MYH9: variants seen among roughly 807,000 people sequenced by gnomAD.
The protein encoded by MYH9 is myosin-9.
A neutral mutation model predicts 241.9 loss-of-function variants in MYH9; 29 were observed. The ratio of observed to expected loss-of-function variants is 0.12; its 90% confidence interval spans 0.09 to 0.16. The LOEUF (loss-of-function observed/expected upper bound fraction) is 0.16. Among genes scored for constraint, MYH9 ranks in the 10% least tolerant of loss-of-function variants. MYH9 has a pLI of 1.00. For missense variants in MYH9, 1,803 were observed against 2,595.5 expected (o/e 0.69, Z 6.63); for synonymous variants, 1,047 against 1,062.6 (o/e 0.99, Z 0.29).
intron 20 of MYH9, 105 bp downstream of exon 20, chr22:36,302,463 C>A (rs959127913): frequency 2.0e-6 from 2 of 1,006,968 alleles, no homozygotes; most frequent in African/African-American, 3.2e-5. Context: ...ACCTGGGCGA[C>A]ATGGTGAGAC....
chr22:36,376,919 T>TG (rs2018176801), intron 1 of MYH9, among the ~76,000 whole-genome samples: 1 of 152,092 alleles, frequency 6.6e-6, no homozygotes, highest in African/African-American at 2.4e-5. Context: ...AAAAATTAGC[T>TG]GGGTGTGGTG....
chr22:36,324,020 C>A (rs776565254), intron 5 of MYH9, among the ~76,000 whole-genome samples: 9 of 152,254 alleles, frequency 5.9e-5, no homozygotes, highest in African/African-American at 2.2e-4. Flanking sequence ...CCACCCACTA[C>A]GCCGTTCCTC....
At chr22:36,318,164 T>A in intron 11 of MYH9, 43 bp downstream of exon 11, 1 of 1,550,162 alleles carries the variant, frequency 6.5e-7, no homozygotes, top group Non-Finnish European at 8.9e-7. Context: ...GCAGGGACAT[T>A]CACCCAGGAG....
At chr22:36,312,285 G>A (rs909886743) in intron 13 of MYH9, 63 bp from the exon 14 acceptor site, 2 of 1,572,538 alleles carry the variant, frequency 1.3e-6, no homozygotes, top group African/African-American at 1.4e-5. Context: ...CACCCTTCAA[G>A]AAGCCAAAGC....
At chr22:36,355,450 T>C (rs1161192572) in intron 1 of MYH9, among the ~76,000 whole-genome samples, 1 of 151,958 alleles carries the variant, frequency 6.6e-6, no homozygotes, top group African/African-American at 2.4e-5. Flanking sequence ...GTCTGGAAAA[T>C]GAACAGCTAG....
chr22:36,353,744 C>T (rs1341211538), intron 1 of MYH9, among the ~76,000 whole-genome samples: 1 of 143,252 alleles, frequency 7.0e-6, no homozygotes, highest in Non-Finnish European at 1.5e-5. Context: ...CACCGCCTCT[C>T]CCCGCCTTGC....
chr22:36,359,475 G>A (rs1464041070), intron 1 of MYH9, among the ~76,000 whole-genome samples: 2 of 152,202 alleles, frequency 1.3e-5, no homozygotes, highest in Non-Finnish European at 2.9e-5. Context: ...CACCTAATTT[G>A]TTACAAACAC....
At chr22:36,326,114 T>C (rs897627812) in intron 5 of MYH9, among the ~76,000 whole-genome samples, 1 of 152,034 alleles carries the variant, frequency 6.6e-6, no homozygotes, top group African/African-American at 2.4e-5. Context: ...GCCCTTTCTG[T>C]CTTCGCTGGG....
At chr22:36,375,333 C>G (rs1044220565) in intron 1 of MYH9, among the ~76,000 whole-genome samples, 4 of 152,226 alleles carry the variant, frequency 2.6e-5, no homozygotes, top group Non-Finnish European at 5.9e-5. Flanking sequence ...CCTGCTCTCC[C>G]TTAGGACCAA....
chr22:36,341,593 T>C (rs2017591479), intron 2 of MYH9, 67 bp from the exon 3 acceptor site: 1 of 1,574,628 alleles, frequency 6.4e-7, no homozygotes, highest in Non-Finnish European at 8.7e-7. Flanking sequence ...ACAAACTTTG[T>C]AGCAAAATAT....
In MYH9 at chr22:36,282,316, A is replaced by G; in HGVS notation, c.*352T>C. On this transcript the variant is annotated 3_prime_UTR_variant, in exon 41 of 41. Transcript: ENST00000216181. The stretch of plus-strand genomic sequence containing the variant: ...CCTCAGTCTGAAGAAAAATAGATTC[A>G]TAGAAAACTCTGGCCCCTCCCCGGG... The G allele has an allele frequency of 2.2e-6, 1 of 445,194 alleles. No homozygotes were observed. The highest frequency in any genetic ancestry group is 4.1e-6 in the Non-Finnish European group (1 of 243,162). The allele number at this position is 445,194 out of a possible 1,614,324, so 27.6% of individuals were successfully genotyped here. A position where few individuals can be genotyped will look rare whatever the true frequency, so the allele number is the denominator to read the frequency against.
chr22:36,319,795 G>T, intron 9 of MYH9, 160 bp from the exon 10 acceptor site: 1 of 763,698 alleles, frequency 1.3e-6, no homozygotes, highest in Non-Finnish European at 2.2e-6. Flanking sequence ...GTCTAACGGT[G>T]TGCGGTGGGC....
At chr22:36,318,621 GC>G (rs1370459362) in intron 10 of MYH9, among the ~76,000 whole-genome samples, 1 of 152,132 alleles carries the variant, frequency 6.6e-6, no homozygotes, top group Non-Finnish European at 1.5e-5. Context: ...CTGGCTGGAG[GC>G]CACAGCGGCA....
chr22:36,316,739 A>C (rs1283593081), intron 11 of MYH9, 70 bp from the exon 12 acceptor site: 30 of 1,590,554 alleles, frequency 1.9e-5, no homozygotes, highest in Non-Finnish European at 2.4e-5. Context: ...CCTATGCCCC[A>C]GTAATTTCAC....
At chr22:36,302,292 A>AT (rs200446766) in intron 20 of MYH9, 992 of 354,914 alleles carry the variant, frequency 2.8e-3, no homozygotes, top group East Asian at 4.5e-3. Context: ...AAATAAAGAG[A>AT]TTTTTTTTTT....
intron 2 of MYH9, among the ~76,000 whole-genome samples, chr22:36,347,898 G>A (rs867905207): frequency 2.0e-4 from 30 of 151,446 alleles, no homozygotes; most frequent in South Asian, 1.7e-3. Flanking sequence ...GATGCAAGAG[G>A]AACAAAGCAG....
rs117310485 is a variant in MYH9, at chr22:36,355,895, A to G, written c.-19-6640T>C. 9.5e-3 allele frequency among the ~76,000 whole-genome samples: 1,441 copies of G among 152,122 alleles called. 22 individuals carry two copies. The highest frequency in any genetic ancestry group is 0.066 in the South Asian group (317 of 4,812). Reference sequence around the variant, plus strand: ...TGATAATGCCACCTCAAAGCTGTAAACCCCATCTCCCCATGCTGGCTTGCA... The same window carrying G: ...TGATAATGCCACCTCAAAGCTGTAAGCCCCATCTCCCCATGCTGGCTTGCA... On this transcript the variant is annotated intron_variant, in intron 1 of 40. Coordinates refer to ENST00000216181, the MANE Select transcript of MYH9 (RefSeq NM_002473.6).
At chr22:36,384,703 C>A (rs557571563) in intron 1 of MYH9, among the ~76,000 whole-genome samples, 51 of 141,264 alleles carry the variant, frequency 3.6e-4, no homozygotes, top group Non-Finnish European at 6.3e-4. Flanking sequence ...TCAGTTCATG[C>A]ATCTAACCCC....
chr22:36,318,999 TG>T (rs1246654571), intron 10 of MYH9, among the ~76,000 whole-genome samples: 2 of 152,062 alleles, frequency 1.3e-5, no homozygotes, highest in African/African-American at 4.8e-5. Flanking sequence ...CCTGACCTCG[TG>T]ATCTGCCCGC....
Sources: allele counts gnomAD v4.1 joint callset (sites outside exome capture counted in the v4.1 genomes callset), GRCh38; gene constraint gnomAD v4.1.1; transcripts MANE v1.5; gene names NCBI Gene and HGNC (gene_info 2026-07-23, HGNC 2026-07-21).